TPRG1: variants seen among roughly 807,000 people sequenced by gnomAD.
The protein encoded by TPRG1 is tumor protein p63-regulated gene 1 protein.
A neutral mutation model predicts 29.3 loss-of-function variants in TPRG1; 29 were observed. The observed-to-expected ratio is 0.99, with a 90% CI of 0.74 to 1.35. The LOEUF (loss-of-function observed/expected upper bound fraction) is 1.35, where lower values mean the gene tolerates loss of function less well. Among genes scored for constraint, TPRG1 ranks in the 40% most tolerant of loss-of-function variants. The pLI, the probability that TPRG1 is intolerant of heterozygous loss-of-function variation, is 0.00. For synonymous variants in TPRG1, 130 were observed against 116.8 expected (o/e 1.11, Z -0.73); for missense variants, 327 against 335.0 (o/e 0.98, Z 0.19).
chr3:189,194,901 C>T (rs1037730603), intron 1 of TPRG1, among the ~76,000 whole-genome samples: 2 of 152,106 alleles, frequency 1.3e-5, no homozygotes, highest in Admixed American at 6.5e-5. Flanking sequence ...TGACTTCACT[C>T]CCCAGGAAGA....
intron 4 of TPRG1, among the ~76,000 whole-genome samples, chr3:189,254,177 C>T (rs1000981658): frequency 1.3e-5 from 2 of 152,022 alleles, no homozygotes; most frequent in Admixed American, 6.6e-5. Flanking sequence ...TTCTTTAATC[C>T]GTCTTGAGTT....
intron 4 of TPRG1, among the ~76,000 whole-genome samples, chr3:189,248,271 T>C (rs1358288394): frequency 6.6e-6 from 1 of 151,864 alleles, no homozygotes; most frequent in African/African-American, 2.4e-5. Flanking sequence ...TGTTCAGGTT[T>C]GTAAATATTC....
chr3:189,196,752 A>G (rs1732600198), intron 1 of TPRG1, among the ~76,000 whole-genome samples: 1 of 152,146 alleles, frequency 6.6e-6, no homozygotes, highest in Admixed American at 6.5e-5. Context: ...ATGATAATTC[A>G]TTGTTCTGCA....
chr3:189,286,578 G>T (rs1360625184), intron 4 of TPRG1, among the ~76,000 whole-genome samples: 2 of 152,118 alleles, frequency 1.3e-5, no homozygotes, highest in Non-Finnish European at 2.9e-5. Flanking sequence ...TCCTGCCTAT[G>T]TATTTGGAAT....
chr3:189,239,886 C>T (rs975467621), intron 4 of TPRG1, among the ~76,000 whole-genome samples: 2 of 152,082 alleles, frequency 1.3e-5, no homozygotes, highest in Admixed American at 1.3e-4. Flanking sequence ...TAGGTAAGTT[C>T]CTGTCATAGT....
In TPRG1 at chr3:189,250,508, C is replaced by A. The variant is rs1206125801; in HGVS notation, c.479+11599C>A. On this transcript the variant is annotated intron_variant, in intron 4 of 5. Coordinates refer to ENST00000345063, the MANE Select transcript of TPRG1 (RefSeq NM_198485.4). Reference sequence around the variant, plus strand: ...TGTTAACAAGTTCTGATTTCCGCCCCCCCCCCCCCACCCAGATTAAAGCTT... The same window carrying A: ...TGTTAACAAGTTCTGATTTCCGCCCACCCCCCCCCACCCAGATTAAAGCTT... Among the ~76,000 whole-genome samples, 9 of 80,248 alleles carry A rather than the reference C, an allele frequency of 1.1e-4. 1 individual carries two copies. Among genetic ancestry groups the A allele is most frequent in the South Asian group, 6.8e-4 (1 of 1,470 alleles). 52.6% of individuals were successfully genotyped at this position (80,248 alleles called of 152,430 possible).
upstream of TPRG1, among the ~76,000 whole-genome samples, chr3:189,095,341 C>G (rs926471232): frequency 6.6e-6 from 1 of 152,010 alleles, no homozygotes; most frequent in African/African-American, 2.4e-5. Context: ...ATGGCATACT[C>G]AAAATTGTGT....
chr3:189,124,074 AG>A (rs1722145856), intron 1 of TPRG1, among the ~76,000 whole-genome samples: 1 of 152,162 alleles, frequency 6.6e-6, no homozygotes, highest in South Asian at 2.1e-4. Context: ...TAATATTTTA[AG>A]AATATTACCT....
chr3:189,110,229 AATGT>A (rs1207982927), intron 1 of TPRG1, among the ~76,000 whole-genome samples: 1 of 152,190 alleles, frequency 6.6e-6, no homozygotes, highest in African/African-American at 2.4e-5. Context: ...TCTCATCAAC[AATGT>A]ATGAGGAGTT....
At chr3:189,292,343 C>T (rs1319665144) in intron 4 of TPRG1, among the ~76,000 whole-genome samples, 3 of 141,962 alleles carry the variant, frequency 2.1e-5, no homozygotes, top group African/African-American at 5.2e-5. Context: ...TTTTTTCCCT[C>T]CCATTAAATT....
At chr3:189,053,893 T>G (rs1158169177) in intron 4 of TPRG1, among the ~76,000 whole-genome samples, 1 of 152,246 alleles carries the variant, frequency 6.6e-6, no homozygotes, top group East Asian at 1.9e-4. Flanking sequence ...TTTGATCTTC[T>G]TTACAGATCA....
chr3:189,110,105 G>A (rs1455784681), intron 1 of TPRG1, among the ~76,000 whole-genome samples: 1 of 152,148 alleles, frequency 6.6e-6, no homozygotes, highest in Non-Finnish European at 1.5e-5. Context: ...TGTGAATATA[G>A]GTTTTCATTT....
At chr3:189,201,464 G>A (rs1733476927) in intron 1 of TPRG1, among the ~76,000 whole-genome samples, 1 of 152,172 alleles carries the variant, frequency 6.6e-6, no homozygotes, top group South Asian at 2.1e-4. Context: ...AGGGCCAGCA[G>A]CCCAGAAGGA....
At chr3:189,075,772 T>C (rs1349050089) in intron 4 of TPRG1, among the ~76,000 whole-genome samples, 3 of 152,184 alleles carry the variant, frequency 2.0e-5, no homozygotes, top group Non-Finnish European at 4.4e-5. Flanking sequence ...AGGGATAAAA[T>C]TGGCAACTTT....
intron 3 of TPRG1, among the ~76,000 whole-genome samples, chr3:189,233,925 C>T (rs968155873): frequency 6.6e-6 from 1 of 152,122 alleles, no homozygotes; most frequent in Non-Finnish European, 1.5e-5. Flanking sequence ...GGCTGGAGTG[C>T]AGTGGTGCTA....
In TPRG1 at chr3:189,158,792, G is replaced by A. The variant is rs189112378; in HGVS notation, c.-10+7920G>A. ...CCTTCCTTCACTTCCTAGCTCTGCC[G>A]TTTTCGTTTTGCACTCCCTCATCCG... On this transcript the variant is annotated intron_variant, in intron 5 of 6. Coordinates refer to the TPRG1 transcript ENST00000412373. Among the ~76,000 whole-genome samples the A allele has an allele frequency of 7.8e-4, 119 of 151,862 alleles. 4 individuals are homozygous for A. The highest frequency in any genetic ancestry group is 7.5e-3 in the Admixed American group (115 of 15,256).
At chr3:189,235,977 C>T (rs1739400097) in intron 3 of TPRG1, among the ~76,000 whole-genome samples, 1 of 152,166 alleles carries the variant, frequency 6.6e-6, no homozygotes, top group Admixed American at 6.5e-5. Flanking sequence ...TATCTTTATT[C>T]CTATATTTGT....
intron 4 of TPRG1, among the ~76,000 whole-genome samples, chr3:189,247,049 T>C (rs1430517170): frequency 6.6e-6 from 1 of 152,122 alleles, no homozygotes; most frequent in Non-Finnish European, 1.5e-5. Flanking sequence ...GCTATTACTT[T>C]TTATTTCATT....
upstream of TPRG1, among the ~76,000 whole-genome samples, chr3:189,168,942 C>T (rs894205648): frequency 6.6e-6 from 1 of 152,274 alleles, no homozygotes; most frequent in African/African-American, 2.4e-5. Context: ...TTCCTCCTGC[C>T]CATCTGCTGC....
Sources: allele counts gnomAD v4.1 joint callset (sites outside exome capture counted in the v4.1 genomes callset), GRCh38; gene constraint gnomAD v4.1.1; transcripts MANE v1.5; gene names NCBI Gene and HGNC (gene_info 2026-07-23, HGNC 2026-07-21).